Variants in GNAI2 observed in about 807,000 individuals in gnomAD.
GNAI2 encodes the protein G protein subunit alpha i2.
A neutral mutation model predicts 36.8 loss-of-function variants in GNAI2; 4 were observed. The observed-to-expected ratio is 0.11, with a 90% confidence interval of 0.05 to 0.25. GNAI2 has a LOEUF of 0.25. Among genes scored for constraint, GNAI2 ranks in the 10% least tolerant of loss-of-function variants. The probability of loss-of-function intolerance (pLI) is 1.00; values close to 1 mark genes in which losing one functional copy is unlikely to be tolerated. For synonymous variants in GNAI2, 194 were observed against 194.1 expected (o/e 1.00, Z 0.01); for missense variants, 230 against 481.3 (o/e 0.48, Z 4.89).
At position 50,255,410 on chromosome 3, in the gene GNAI2, C is replaced by T. The variant is rs1553703019; in HGVS notation, c.465-782C>T. Among the ~76,000 whole-genome samples, 1 of 152,218 alleles carries T rather than the reference C, an allele frequency of 6.6e-6. No homozygotes were observed. Among genetic ancestry groups the T allele is most frequent in the East Asian group, 1.9e-4 (1 of 5,196 alleles). Reference sequence around the variant, plus strand: ...AACCCAGATTTCATTGGGCGCTGGGCAAAGAGCCCACTGGACCTGGCAGGC... The same window carrying T: ...AACCCAGATTTCATTGGGCGCTGGGTAAAGAGCCCACTGGACCTGGCAGGC... On this transcript the variant is annotated intron_variant, in intron 4 of 8. Coordinates refer to ENST00000313601, the MANE Select transcript of GNAI2 (RefSeq NM_002070.4). The surrounding 1 kb of genome is among the most constrained non-coding windows in gnomAD (Gnocchi z 4.0).
In GNAI2 at chr3:50,256,338, C is replaced by T. The variant is rs782034383; in HGVS notation, c.593+18C>T. 1.2e-6 allele frequency: 2 copies of T among 1,612,956 alleles called. No homozygotes were observed. Among genetic ancestry groups the T allele is most frequent in the Non-Finnish European group, 1.7e-6 (2 of 1,178,970 alleles). ...CACTTCAAGTGAGCGAGCATGTGGACAGGTGGGAGGGGCAGGACCTGCCAG... is the reference window on the plus strand; with the variant it reads ...CACTTCAAGTGAGCGAGCATGTGGATAGGTGGGAGGGGCAGGACCTGCCAG... On this transcript the variant is annotated intron_variant, in intron 5 of 8. Transcript: ENST00000313601.
chr3:50,253,471 G>A lies in GNAI2; in HGVS notation c.464+287G>A, dbSNP rs145091795. 1.1e-3 allele frequency among the ~76,000 whole-genome samples: 171 copies of A among 152,310 alleles called. 1 individual carries two copies. Among genetic ancestry groups the A allele is most frequent in the African/African-American group, 3.8e-3 (158 of 41,568 alleles). On this transcript the variant is annotated intron_variant, in intron 4 of 8. Coordinates refer to ENST00000313601, the MANE Select transcript of GNAI2 (RefSeq NM_002070.4). The surrounding 1 kb of genome is among the most constrained non-coding windows in gnomAD (Gnocchi z 4.2). ...TTCTAAAGAACATTTGCGGCCGGGC[G>A]TGGTGGCTCACGCCTGTAATCCCAG...
rs1398643809 is a variant in GNAI2 at position 50,258,659 on chromosome 3, C to G, written c.*316C>G. ...GGGAGGGGGGCACATGCTGAGTCTC[C>G]CAAGGCTGCGTCTGGAGGGGCCCCT... On this transcript the variant is annotated 3_prime_UTR_variant, in exon 9 of 9. Coordinates refer to ENST00000313601, the MANE Select transcript of GNAI2 (RefSeq NM_002070.4). 1 of 342,982 alleles carries G rather than the reference C, an allele frequency of 2.9e-6. No individual in the cohort carries two copies. 21.2% of individuals were successfully genotyped at this position (342,982 alleles called of 1,614,324 possible).
At chr3:50,257,812 AG>A (rs1700745331) in intron 8 of GNAI2, 98 bp downstream of exon 8, 2 of 104,086 alleles carry the variant, frequency 1.9e-5, no homozygotes, top group South Asian at 1.7e-4. Context: ...GTGAACCTGG[AG>A]GGGGAGGGGC....
rs1553700430 is a variant in GNAI2 at position 50,236,569 on chromosome 3, C to A, written c.118+116C>A. 5.8e-6 allele frequency: 8 copies of A among 1,380,940 alleles called. No homozygotes were observed. The highest frequency in any genetic ancestry group is 6.7e-6 in the Non-Finnish European group (7 of 1,048,630). 85.5% of individuals were successfully genotyped at this position (1,380,940 alleles called of 1,614,324 possible). On this transcript the variant is annotated intron_variant, in intron 1 of 8. Transcript: ENST00000313601. This position sits in a 1 kb window ranked among gnomAD's most constrained non-coding sequence, Gnocchi z 4.0. The stretch of plus-strand genomic sequence containing the variant: ...CAGACCCGGGCTGTCTGGGACCCCA[C>A]ACCTGGGCCAGGACCAGGGTTGAAA...
At chr3:50,256,430 C>T (rs927053482) in intron 5 of GNAI2, 110 bp downstream of exon 5, 1 of 1,057,722 alleles carries the variant, frequency 9.5e-7, no homozygotes, top group Non-Finnish European at 1.5e-6. Context: ...TTACAAGGCT[C>T]ATGTGTTCTG....
At chr3:50,231,780 G>T (rs1700072481), upstream of GNAI2, among the ~76,000 whole-genome samples, 1 of 152,168 alleles carries the variant, frequency 6.6e-6, no homozygotes, top group African/African-American at 2.4e-5. Flanking sequence ...GTAGGGGGAT[G>T]GGAGGGAAGA....
At chr3:50,249,984 G>C in intron 1 of GNAI2, among the ~76,000 whole-genome samples, 1 of 152,206 alleles carries the variant, frequency 6.6e-6, no homozygotes, top group East Asian at 1.9e-4. Flanking sequence ...CCAGTGCCAG[G>C]TGGACTGTGT....
rs1700174584 is a variant in GNAI2 at position 50,236,523 on chromosome 3, C to A, written c.118+70C>A. 2 of 1,519,588 alleles carry A rather than the reference C, an allele frequency of 1.3e-6. No individual in the cohort carries two copies. Among genetic ancestry groups the A allele is most frequent in the Admixed American group, 4.8e-5 (2 of 41,246 alleles). The allele number at this position is 1,519,588 out of a possible 1,614,324, so 94.1% of individuals were successfully genotyped here. ...TCCCCAGACAAGGACTTTGACCTCC[C>A]AGACTAGGGCTTCAAACTCCCAGAC... On this transcript the variant is annotated intron_variant, in intron 1 of 8. Transcript: ENST00000313601. This position sits in a 1 kb window ranked among gnomAD's most constrained non-coding sequence, Gnocchi z 4.0.
chr3:50,251,751 A>AG, intron 1 of GNAI2: 1 of 1,318,300 alleles, frequency 7.6e-7, no homozygotes, highest in South Asian at 1.3e-5. Flanking sequence ...CAGGTTGGCG[A>AG]GCCTATGTAT....
rs1553702848 is a variant in GNAI2, at chr3:50,253,611, G to C, written c.464+427G>C. Among the ~76,000 whole-genome samples the C allele has an allele frequency of 2.0e-5, 3 of 152,222 alleles. No homozygotes were observed. The highest frequency in any genetic ancestry group is 1.5e-5 in the Non-Finnish European group (1 of 68,038). On this transcript the variant is annotated intron_variant, in intron 4 of 8. Coordinates refer to ENST00000313601, the MANE Select transcript of GNAI2 (RefSeq NM_002070.4). The surrounding 1 kb of genome is among the most constrained non-coding windows in gnomAD (Gnocchi z 4.2). ...TACAAAAAATTAGCCGGGCGTGGTGGAGGGCGCCTGTAGTCCCAGCTACTC... is the reference window on the plus strand; with the variant it reads ...TACAAAAAATTAGCCGGGCGTGGTGCAGGGCGCCTGTAGTCCCAGCTACTC...
rs371530717 is a variant in GNAI2, at chr3:50,252,860, T to A, written c.304-164T>A. Reference sequence around the variant, plus strand: ...GCCTTGGTGACAGAGCTAGACTCCGTCACAGAAAAAAGTAAACAACAACAA... The same window carrying A: ...GCCTTGGTGACAGAGCTAGACTCCGACACAGAAAAAAGTAAACAACAACAA... On this transcript the variant is annotated intron_variant, in intron 3 of 8. Coordinates refer to ENST00000313601, the MANE Select transcript of GNAI2 (RefSeq NM_002070.4). The surrounding 1 kb of genome is among the most constrained non-coding windows in gnomAD (Gnocchi z 4.1). Among the ~76,000 whole-genome samples, 1 of 152,092 alleles carries A rather than the reference T, an allele frequency of 6.6e-6. No individual in the cohort carries two copies. The highest frequency in any genetic ancestry group is 1.5e-5 in the Non-Finnish European group (1 of 68,010).
At chr3:50,248,116 T>A (rs587744429) in intron 1 of GNAI2, among the ~76,000 whole-genome samples, 17 of 152,292 alleles carry the variant, frequency 1.1e-4, no homozygotes, top group African/African-American at 4.1e-4. Context: ...ATGCCTGTAG[T>A]CCCAGCTACT....
At chr3:50,239,374 T>C (rs1210677211) in intron 1 of GNAI2, among the ~76,000 whole-genome samples, 1 of 152,224 alleles carries the variant, frequency 6.6e-6, no homozygotes, top group Admixed American at 6.5e-5. Context: ...GGATCCTTCC[T>C]GGACATCCTC....
At position 50,242,230 on chromosome 3, in the gene GNAI2, C is replaced by T. The variant is rs1553701242; in HGVS notation, c.118+5777C>T. Among the ~76,000 whole-genome samples, 2 of 152,084 alleles carry T rather than the reference C, an allele frequency of 1.3e-5. No homozygotes were observed. ...CACCCACAGCAGAGGAGGAGACTGT[C>T]ACCCCAGAGCCTGAGTGCTGCCTCC... On this transcript the variant is annotated intron_variant, in intron 1 of 8. Transcript: ENST00000313601. The surrounding 1 kb of genome is among the most constrained non-coding windows in gnomAD (Gnocchi z 4.8).
At chr3:50,247,060 T>G in intron 1 of GNAI2, 1 of 853,532 alleles carries the variant, frequency 1.2e-6, no homozygotes, top group South Asian at 1.4e-5. Context: ...TCTCTGCAGG[T>G]TGCAGGAAAT....
rs1700244309 is a variant in GNAI2, at chr3:50,238,930, C to T, written c.118+2477C>T. ...CTGCTGCCCCGCCCGCACACCGCCT[C>T]CCTCCCATCTTGGGTAGCCCTGCCA... On this transcript the variant is annotated intron_variant, in intron 1 of 8. Coordinates refer to ENST00000313601, the MANE Select transcript of GNAI2 (RefSeq NM_002070.4). This position sits in a 1 kb window ranked among gnomAD's most constrained non-coding sequence, Gnocchi z 5.0. Among the ~76,000 whole-genome samples the T allele has an allele frequency of 6.6e-6, 1 of 152,240 alleles. No individual in the cohort carries two copies. The highest frequency in any genetic ancestry group is 2.1e-4 in the South Asian group (1 of 4,834).
chr3:50,230,911 CTG>C, exon 1 of GNAI2: 1 of 985,428 alleles, frequency 1.0e-6, no homozygotes, highest in Non-Finnish European at 1.2e-6. Flanking sequence ...TATGAAGAAA[CTG>C]AGATGCCCAC....
At position 50,252,696 on chromosome 3, in the gene GNAI2, T is replaced by C. The variant is rs1553702697; in HGVS notation, c.303+158T>C. Among the ~76,000 whole-genome samples, 1 of 152,108 alleles carries C rather than the reference T, an allele frequency of 6.6e-6. No homozygotes were observed. The highest frequency in any genetic ancestry group is 1.5e-5 in the Non-Finnish European group (1 of 68,016). ...CTGGCCAACTTGGTGAAACCGCGTC[T>C]CTACTAAAAATACAAAAATTAGCCG... On this transcript the variant is annotated intron_variant, in intron 3 of 8. Coordinates refer to ENST00000313601, the MANE Select transcript of GNAI2 (RefSeq NM_002070.4). This position sits in a 1 kb window ranked among gnomAD's most constrained non-coding sequence, Gnocchi z 4.1.
Sources: gnomAD v4.1 joint callset for allele counts (sites outside exome capture counted in the v4.1 genomes callset) on GRCh38, gnomAD v4.1.1 for gene constraint, Gnocchi (gnomAD v3.1) non-coding constraint, MANE v1.5 for transcripts, NCBI Gene and HGNC (gene_info 2026-07-23, HGNC 2026-07-21) for gene names.